Variants in ESR1 observed in about 807,000 individuals in gnomAD.
ESR1 encodes the protein estrogen receptor.
In ESR1, 12 loss-of-function variants were observed where a neutral mutation model predicts 52.7. That is an observed-to-expected ratio of 0.23 (90% CI 0.15 to 0.37). The LOEUF (loss-of-function observed/expected upper bound fraction) is 0.37. Among genes scored for constraint, ESR1 ranks in the 10% least tolerant of loss-of-function variants. The pLI, the probability that ESR1 is intolerant of heterozygous loss-of-function variation, is 1.00. For synonymous variants in ESR1, 305 were observed against 316.8 expected (o/e 0.96, Z 0.39); for missense variants, 584 against 779.7 (o/e 0.75, Z 2.99).
At chr6:151,912,656 G>T (rs1018352404) in intron 3 of ESR1, among the ~76,000 whole-genome samples, 2 of 152,180 alleles carry the variant, frequency 1.3e-5, no homozygotes, top group Admixed American at 6.5e-5. Flanking sequence ...CCACGGAAGA[G>T]TCTTAGGATA....
At chr6:151,729,594 C>G (rs1782091476) in intron 2 of ESR1, among the ~76,000 whole-genome samples, 1 of 152,120 alleles carries the variant, frequency 6.6e-6, no homozygotes, top group Non-Finnish European at 1.5e-5. Flanking sequence ...TTGTTGAGCC[C>G]TGCCATGTGC....
exon 7 of ESR1, chr6:152,127,094 GTCT>G (rs1021062206): frequency 2.0e-5 from 3 of 152,106 alleles, no homozygotes; most frequent in African/African-American, 7.2e-5. Context: ...TAGGACCCAG[GTCT>G]TCTTTTTTTC....
chr6:152,128,819 G>A (rs1420045886), exon 7 of ESR1: 6 of 152,238 alleles, frequency 3.9e-5, no homozygotes, highest in Non-Finnish European at 8.8e-5. Flanking sequence ...GACTGTGGGT[G>A]AAGTTCATTC....
chr6:151,903,909 A>G (rs1797061041), intron 3 of ESR1, among the ~76,000 whole-genome samples: 1 of 152,250 alleles, frequency 6.6e-6, no homozygotes, highest in African/African-American at 2.4e-5. Flanking sequence ...TTTAATTTCT[A>G]GAGGTAGAGA....
chr6:151,806,716 G>C (rs1186161038), upstream of ESR1, among the ~76,000 whole-genome samples: 6 of 151,968 alleles, frequency 3.9e-5, no homozygotes, highest in Non-Finnish European at 5.9e-5. Flanking sequence ...TAGACATGCA[G>C]AAATGCATTT....
At chr6:151,776,609 A>T (rs1786018081) in intron 2 of ESR1, among the ~76,000 whole-genome samples, 1 of 152,200 alleles carries the variant, frequency 6.6e-6, no homozygotes, top group African/African-American at 2.4e-5. Flanking sequence ...AGACCAAGGC[A>T]GGAGGATCAT....
At chr6:151,759,858 T>C (rs1034944945) in intron 2 of ESR1, among the ~76,000 whole-genome samples, 1 of 152,220 alleles carries the variant, frequency 6.6e-6, no homozygotes, top group Non-Finnish European at 1.5e-5. Flanking sequence ...ATTGGATCCT[T>C]CAGGTATTAG....
rs530924557 is a variant in ESR1, at chr6:151,664,717, A to G, written n.73+7954A>G. Among the ~76,000 whole-genome samples, 314 of 152,322 alleles carry G rather than the reference A, an allele frequency of 2.1e-3. 1 individual carries two copies. Among genetic ancestry groups the G allele is most frequent in the African/African-American group, 6.8e-3 (283 of 41,560 alleles). Reference sequence around the variant, plus strand: ...ACAGTAATCTAAATTTCCCTATTCCATGAGTAAAGTTCTACTTTTTTCTTT... The same window carrying G: ...ACAGTAATCTAAATTTCCCTATTCCGTGAGTAAAGTTCTACTTTTTTCTTT... On this transcript the variant is annotated intron_variant and non_coding_transcript_variant, in intron 1 of 2. Coordinates refer to the ESR1 transcript ENST00000473497.
chr6:152,108,712 G>A (rs2152513032), intron 6 of ESR1, among the ~76,000 whole-genome samples: 1 of 152,256 alleles, frequency 6.6e-6, no homozygotes, highest in East Asian at 1.9e-4. Context: ...TGCCAATGTA[G>A]GAATGCCTGA....
intron 3 of ESR1, among the ~76,000 whole-genome samples, chr6:151,899,529 AC>A (rs1195752709): frequency 1.8e-5 from 2 of 111,862 alleles, no homozygotes; most frequent in African/African-American, 3.6e-5. Flanking sequence ...CGGGGGGCTG[AC>A]CCCCCCACCT....
chr6:151,731,378 G>A (rs1782227940), intron 2 of ESR1, among the ~76,000 whole-genome samples: 2 of 151,668 alleles, frequency 1.3e-5, no homozygotes, highest in Admixed American at 6.6e-5. Context: ...AAAAAGAAAT[G>A]TGGGGGCAGA....
chr6:151,871,019 T>C (rs1266045995), intron 2 of ESR1, among the ~76,000 whole-genome samples: 5 of 151,986 alleles, frequency 3.3e-5, no homozygotes, highest in Non-Finnish European at 7.4e-5. Flanking sequence ...ACTTGGCTAA[T>C]TTAAAAACTT....
At chr6:151,902,739 A>G (rs986905292) in intron 3 of ESR1, among the ~76,000 whole-genome samples, 13 of 152,202 alleles carry the variant, frequency 8.5e-5, no homozygotes, top group Admixed American at 2.0e-4. Flanking sequence ...TAAAGCTTCT[A>G]TTGTATTTGG....
chr6:152,077,976 ATGATTGCTTT>A (rs1434209117), intron 6 of ESR1, among the ~76,000 whole-genome samples: 5 of 152,184 alleles, frequency 3.3e-5, no homozygotes, highest in Non-Finnish European at 7.3e-5. Context: ...TTGGGAAGGC[ATGATTGCTTT>A]TGAAATGTGA....
chr6:152,032,018 A>G (rs1204085632), intron 5 of ESR1, among the ~76,000 whole-genome samples: 1 of 152,250 alleles, frequency 6.6e-6, no homozygotes, highest in African/African-American at 2.4e-5. Flanking sequence ...TCCAGCATAT[A>G]AACAGAACCA....
chr6:151,957,931 C>G (rs181465682), intron 4 of ESR1, among the ~76,000 whole-genome samples: 1 of 152,218 alleles, frequency 6.6e-6, no homozygotes, highest in Non-Finnish European at 1.5e-5. Context: ...CTTCGATTCC[C>G]TTATCCTGGG....
chr6:152,107,195 A>G (rs1464221380), downstream of ESR1, among the ~76,000 whole-genome samples: 1 of 151,682 alleles, frequency 6.6e-6, no homozygotes, highest in South Asian at 2.1e-4. Flanking sequence ...TTCCCCCTTC[A>G]TCTCTCCCCT....
chr6:151,740,117 T>C (rs769728791), intron 2 of ESR1, among the ~76,000 whole-genome samples: 2 of 151,920 alleles, frequency 1.3e-5, no homozygotes, highest in Non-Finnish European at 2.9e-5. Flanking sequence ...ATTTTTTCTT[T>C]CTTTTCTTTT....
intron 6 of ESR1, among the ~76,000 whole-genome samples, chr6:152,114,807 C>T (rs1419742171): frequency 7.3e-6 from 1 of 137,576 alleles, no homozygotes; most frequent in Non-Finnish European, 1.5e-5. Context: ...AGGAGAATGG[C>T]GTGAACCCGG....
Sources: gnomAD v4.1 joint callset for allele counts (sites outside exome capture counted in the v4.1 genomes callset) on GRCh38, gnomAD v4.1.1 for gene constraint, MANE v1.5 for transcripts, NCBI Gene and HGNC (gene_info 2026-07-23, HGNC 2026-07-21) for gene names.